CEP63: variants seen among roughly 807,000 people sequenced by gnomAD.
CEP63 encodes centrosomal protein 63.
In CEP63, 84 loss-of-function variants were observed where a neutral mutation model predicts 89.1. The observed-to-expected ratio is 0.94, with a 90% confidence interval of 0.79 to 1.13. The LOEUF (loss-of-function observed/expected upper bound fraction) is 1.13, where lower values mean the gene tolerates loss of function less well. CEP63 is among the 50% of genes most tolerant of loss of function. The pLI, the probability that CEP63 is intolerant of heterozygous loss-of-function variation, is 0.00. For synonymous variants in CEP63, 267 were observed against 272.5 expected (o/e 0.98, Z 0.20); for missense variants, 838 against 813.3 (o/e 1.03, Z -0.37).
At chr3:134,506,646 C>T (rs1455937713) in intron 2 of CEP63, among the ~76,000 whole-genome samples, 11 of 152,054 alleles carry the variant, frequency 7.2e-5, no homozygotes, top group Admixed American at 3.3e-4. Flanking sequence ...AGGCCGGGCA[C>T]GGTGGCTCAC....
At chr3:134,774,598 A>G in the CEP63 span, among the ~76,000 whole-genome samples, 4 of 152,346 alleles carry the variant, frequency 2.6e-5, no homozygotes, top group Admixed American at 6.5e-5. Context: ...AGATATATGT[A>G]TCTCAGCAAA....
At chr3:134,511,512 A>G (rs776050917) in intron 3 of CEP63, 1 of 152,522 alleles carries the variant, frequency 6.6e-6, no homozygotes, top group East Asian at 1.9e-4. Context: ...ATAGGGCTTT[A>G]TGTTTTTGTC....
At chr3:134,766,554 A>G in the CEP63 span, among the ~76,000 whole-genome samples, 13 of 152,208 alleles carry the variant, frequency 8.5e-5, no homozygotes, top group Middle Eastern at 3.2e-3. Context: ...TGTACTAGGA[A>G]TGTTCCTATC....
At chr3:134,626,532 C>T in the CEP63 span, among the ~76,000 whole-genome samples, 3 of 152,294 alleles carry the variant, frequency 2.0e-5, no homozygotes, top group Admixed American at 2.0e-4. Flanking sequence ...ATGTGGCCTC[C>T]CTGCCTGGTG....
chr3:134,549,755 A>G (rs918831491), intron 10 of CEP63, among the ~76,000 whole-genome samples: 17 of 151,680 alleles, frequency 1.1e-4, no homozygotes, highest in African/African-American at 3.4e-4. Context: ...ATTCACAACT[A>G]AAAAAAAGAA....
chr3:134,606,155 T>C, the CEP63 span, among the ~76,000 whole-genome samples: 1 of 152,096 alleles, frequency 6.6e-6, no homozygotes, highest in Non-Finnish European at 1.5e-5. Context: ...CCTGGTCCTG[T>C]TCCATCTCAC....
At chr3:134,629,985 T>C in the CEP63 span, among the ~76,000 whole-genome samples, 1 of 152,168 alleles carries the variant, frequency 6.6e-6, no homozygotes, top group East Asian at 1.9e-4. Flanking sequence ...GCAAAGTAAA[T>C]AATAGAATAA....
chr3:134,548,574 T>C (rs1379625550), intron 9 of CEP63, among the ~76,000 whole-genome samples: 1 of 152,228 alleles, frequency 6.6e-6, no homozygotes, highest in African/African-American at 2.4e-5. Flanking sequence ...AAGATAAAAT[T>C]GCTTTTAACA....
chr3:134,648,248 T>C, the CEP63 span, among the ~76,000 whole-genome samples: 13 of 152,336 alleles, frequency 8.5e-5, no homozygotes, highest in East Asian at 2.3e-3. Flanking sequence ...TTGGTGCTGC[T>C]TACGGTACTG....
At chr3:134,527,335 G>T (rs1157320720) in intron 3 of CEP63, among the ~76,000 whole-genome samples, 4 of 152,128 alleles carry the variant, frequency 2.6e-5, no homozygotes, top group Non-Finnish European at 4.4e-5. Context: ...CTGCAAACAG[G>T]AGTGGTTGCT....
At chr3:134,629,889 A>G in the CEP63 span, among the ~76,000 whole-genome samples, 1 of 152,228 alleles carries the variant, frequency 6.6e-6, no homozygotes, top group Non-Finnish European at 1.5e-5. Flanking sequence ...GGCAAGATGG[A>G]GTAAAGCACA....
intron 6 of CEP63, among the ~76,000 whole-genome samples, chr3:134,541,925 G>A (rs971941844): frequency 6.6e-6 from 1 of 152,130 alleles, no homozygotes; most frequent in African/African-American, 2.4e-5. Context: ...TAACAAAAGA[G>A]TCGTGGTTAT....
At position 134,545,649 on chromosome 3, in the gene CEP63, C is replaced by G. The variant is rs747978895; in HGVS notation, c.619C>G (p.Gln207Glu). Residue 207 changes from glutamine (Q) to glutamate (E), a missense_variant, in exon 7 of 15, where the codon CAA becomes GAA. Gln to Glu is a conservative substitution (Grantham distance 29). Coordinates refer to ENST00000675561, the MANE Select transcript of CEP63 (RefSeq NM_001353108.3). ...GGAACTTTCTAGCCAATCAGAAATT[C>G]AACACTTAAGCAGTAAACTGGAGCG... ...SVELSSQSEI[Q>E]HLSSKLERAN... The G allele has an allele frequency of 2.6e-5, 42 of 1,613,930 alleles. No individual in the cohort carries two copies. Among genetic ancestry groups the G allele is most frequent in the Non-Finnish European group, 3.4e-5 (40 of 1,180,036 alleles).
intron 3 of CEP63, among the ~76,000 whole-genome samples, chr3:134,519,400 C>T (rs1056100007): frequency 3.9e-5 from 6 of 152,132 alleles, no homozygotes; most frequent in African/African-American, 1.4e-4. Context: ...ACCCAAAGTG[C>T]TGGGATTACA....
chr3:134,601,524 G>T, the CEP63 span, among the ~76,000 whole-genome samples: 1 of 152,268 alleles, frequency 6.6e-6, no homozygotes, highest in Admixed American at 6.5e-5. Context: ...CATAAAATCA[G>T]AAGTGTGCAA....
At chr3:134,547,014 T>G (rs1255005286) in intron 8 of CEP63, among the ~76,000 whole-genome samples, 1 of 152,216 alleles carries the variant, frequency 6.6e-6, no homozygotes, top group Non-Finnish European at 1.5e-5. Context: ...CACACTTTTA[T>G]TTTTGCCAGA....
intron 1 of CEP63, among the ~76,000 whole-genome samples, chr3:134,491,929 G>T (rs1268163784): frequency 6.6e-6 from 1 of 151,988 alleles, no homozygotes; most frequent in Non-Finnish European, 1.5e-5. Context: ...GAATAATTTG[G>T]TCTTGGGCAT....
chr3:134,693,253 C>A, the CEP63 span, among the ~76,000 whole-genome samples: 1 of 152,178 alleles, frequency 6.6e-6, no homozygotes, highest in Non-Finnish European at 1.5e-5. Context: ...TTGCCCTTTT[C>A]GCTTTTACAC....
chr3:134,534,581 T>A (rs1454287039), intron 5 of CEP63, among the ~76,000 whole-genome samples: 5 of 152,178 alleles, frequency 3.3e-5, no homozygotes. Flanking sequence ...TACTTTCCCC[T>A]TCATCTCCTG....
Sources: allele counts gnomAD v4.1 joint callset (sites outside exome capture counted in the v4.1 genomes callset), GRCh38; gene constraint gnomAD v4.1.1; transcripts MANE v1.5; gene names NCBI Gene and HGNC (gene_info 2026-07-23, HGNC 2026-07-21).